The following MARCHF5 variants were observed in gnomAD, a reference collection of about 807,000 sequenced individuals.
The protein encoded by MARCHF5 is E3 ubiquitin-protein ligase MARCHF5.
Under a neutral mutation model 36.5 loss-of-function variants are expected in MARCHF5, and 5 were observed. That is an observed-to-expected ratio of 0.14 (90% CI 0.07 to 0.29). The LOEUF (loss-of-function observed/expected upper bound fraction) is 0.29. Ranked by LOEUF, MARCHF5 falls within the 10% of genes least tolerant of loss-of-function variation. The probability of loss-of-function intolerance (pLI) is 1.00; values close to 1 mark genes in which losing one functional copy is unlikely to be tolerated. For missense variants in MARCHF5, 179 were observed against 336.3 expected (o/e 0.53, Z 3.66); for synonymous variants, 103 against 109.9 (o/e 0.94, Z 0.39).
At chr10:92,295,288 AG>A (rs1407897035) in intron 1 of MARCHF5, among the ~76,000 whole-genome samples, 1 of 104,084 alleles carries the variant, frequency 9.6e-6, no homozygotes, top group Non-Finnish European at 2.0e-5. Flanking sequence ...TTAATCTTTC[AG>A]GGTTTTTAAA....
intron 1 of MARCHF5, among the ~76,000 whole-genome samples, chr10:92,304,251 T>C (rs1843047647): frequency 6.6e-6 from 1 of 152,228 alleles, no homozygotes; most frequent in African/African-American, 2.4e-5. Context: ...ACACCATCAC[T>C]GTCATCATTG....
chr10:92,351,005 T>A (rs1321066957), intron 5 of MARCHF5, 86 bp from the exon 6 acceptor site: 5 of 726,610 alleles, frequency 6.9e-6, no homozygotes, highest in Non-Finnish European at 9.4e-6. Flanking sequence ...AAAGCCTACG[T>A]CTTTTGTGAT....
chr10:92,294,254 A>C (rs1029646542), intron 1 of MARCHF5, among the ~76,000 whole-genome samples: 1 of 152,218 alleles, frequency 6.6e-6, no homozygotes, highest in African/African-American at 2.4e-5. Flanking sequence ...CTTACTAGCT[A>C]TGTGACTTTG....
intron 2 of MARCHF5, chr10:92,333,511 C>CT (rs1843464972): frequency 3.5e-6 from 1 of 282,684 alleles, no homozygotes; most frequent in Non-Finnish European, 5.3e-6. Flanking sequence ...CCCTTGCCCC[C>CT]TGGGAGTTTT....
At chr10:92,300,185 GA>G (rs937024278) in intron 1 of MARCHF5, among the ~76,000 whole-genome samples, 4 of 148,962 alleles carry the variant, frequency 2.7e-5, no homozygotes, top group African/African-American at 7.4e-5. Flanking sequence ...GAAAAGAAAA[GA>G]AAAAAAGATC....
chr10:92,337,325 A>G (rs1843514812), intron 2 of MARCHF5, among the ~76,000 whole-genome samples: 1 of 151,820 alleles, frequency 6.6e-6, no homozygotes, highest in South Asian at 2.1e-4. Context: ...GACCAATCTG[A>G]CAAACATGGA....
Position 92,351,295 on chromosome 10 carries a change from T to G in MARCHF5, c.*88T>G. The G allele has an allele frequency of 1.3e-6, 1 of 789,910 alleles. No individual in the cohort carries two copies. Among genetic ancestry groups the G allele is most frequent in the Non-Finnish European group, 2.1e-6 (1 of 471,110 alleles). 48.9% of individuals were successfully genotyped at this position (789,910 alleles called of 1,614,324 possible). Reference sequence around the variant, plus strand: ...CCATCATTAATGCACTTGTGGAGACTTGTGATAAGCTGCTGCTCCTATATT... The same window carrying G: ...CCATCATTAATGCACTTGTGGAGACGTGTGATAAGCTGCTGCTCCTATATT... On this transcript the variant is annotated 3_prime_UTR_variant, in exon 6 of 6. Transcript: ENST00000358935.
intron 2 of MARCHF5, among the ~76,000 whole-genome samples, chr10:92,339,910 A>G (rs1048738818): frequency 6.6e-6 from 1 of 152,192 alleles, no homozygotes; most frequent in Non-Finnish European, 1.5e-5. Flanking sequence ...AGCTGTTGGA[A>G]TGCTATAAAA....
intron 2 of MARCHF5, among the ~76,000 whole-genome samples, chr10:92,315,527 A>T (rs565267845): frequency 6.6e-6 from 1 of 152,328 alleles, no homozygotes; most frequent in South Asian, 2.1e-4. Flanking sequence ...TGATATGAAC[A>T]CTTCAGTGGC....
In MARCHF5 at chr10:92,311,348, C is replaced by T; in HGVS notation, c.238+11C>T. 1 of 1,535,058 alleles carries T rather than the reference C, an allele frequency of 6.5e-7. No homozygotes were observed. The highest frequency in any genetic ancestry group is 8.9e-7 in the Non-Finnish European group (1 of 1,129,624). On this transcript the variant is annotated intron_variant, in intron 2 of 5. Transcript: ENST00000358935. The stretch of plus-strand genomic sequence containing the variant: ...TTTTTCCAAAATTGGGTAAGAATAT[C>T]TTTAAAAACAACACAGATATAGTTG...
chr10:92,348,360 G>A (rs964248959), intron 3 of MARCHF5, among the ~76,000 whole-genome samples: 1 of 150,094 alleles, frequency 6.7e-6, no homozygotes, highest in Admixed American at 6.6e-5. Flanking sequence ...ATGGTGGCAT[G>A]CCCCTGTAAT....
At chr10:92,333,676 A>G (rs544083514) in intron 2 of MARCHF5, 4 of 984,756 alleles carry the variant, frequency 4.1e-6, no homozygotes, top group Non-Finnish European at 4.8e-6. Context: ...TGGGACATGG[A>G]CAGGGTGGGG....
chr10:92,316,321 GA>G (rs753350629), intron 2 of MARCHF5, among the ~76,000 whole-genome samples: 56 of 152,256 alleles, frequency 3.7e-4, no homozygotes, highest in Non-Finnish European at 5.7e-4. Flanking sequence ...ACTCAGTTGT[GA>G]AAAACTTAAG....
intron 2 of MARCHF5, among the ~76,000 whole-genome samples, chr10:92,320,190 A>G (rs1399673829): frequency 6.7e-6 from 1 of 150,214 alleles, no homozygotes; most frequent in Non-Finnish European, 1.5e-5. Flanking sequence ...AATAGCTGGG[A>G]CTACAGGTGC....
chr10:92,309,919 G>A (rs1025707706), intron 1 of MARCHF5, among the ~76,000 whole-genome samples: 2 of 152,166 alleles, frequency 1.3e-5, no homozygotes, highest in African/African-American at 4.8e-5. Context: ...AAAAGGGTCA[G>A]AATGCTAAAC....
At chr10:92,325,851 G>A (rs964800741) in intron 2 of MARCHF5, among the ~76,000 whole-genome samples, 1 of 151,954 alleles carries the variant, frequency 6.6e-6, no homozygotes, top group African/African-American at 2.4e-5. Context: ...CTAATTTTTT[G>A]TATTTTGAAT....
chr10:92,317,799 G>A (rs1014295581), intron 2 of MARCHF5, among the ~76,000 whole-genome samples: 6 of 149,148 alleles, frequency 4.0e-5, no homozygotes, highest in African/African-American at 1.5e-4. Context: ...TGCCCAGGCT[G>A]GAGTACAGCG....
intron 3 of MARCHF5, among the ~76,000 whole-genome samples, chr10:92,344,382 TG>T (rs1283396060): frequency 2.0e-5 from 3 of 152,220 alleles, no homozygotes; most frequent in Non-Finnish European, 4.4e-5. Flanking sequence ...GGAAATAATT[TG>T]AATTGGTAGA....
At chr10:92,310,038 T>A (rs1304814122) in intron 1 of MARCHF5, among the ~76,000 whole-genome samples, 3 of 152,130 alleles carry the variant, frequency 2.0e-5, no homozygotes, top group African/African-American at 7.2e-5. Context: ...TCAGTTCAAC[T>A]TTTTTTCTGT....
Sources: gnomAD v4.1 joint callset for allele counts (sites outside exome capture counted in the v4.1 genomes callset) on GRCh38, gnomAD v4.1.1 for gene constraint, MANE v1.5 for transcripts, NCBI Gene and HGNC (gene_info 2026-07-23, HGNC 2026-07-21) for gene names.